Variants in RARB observed in about 807,000 individuals in gnomAD.
The protein encoded by RARB is HBV-activated protein.
Under a neutral mutation model 51.9 loss-of-function variants are expected in RARB, and 17 were observed. The ratio of observed to expected loss-of-function variants is 0.33; its 90% CI spans 0.22 to 0.49. RARB has a LOEUF of 0.49. RARB is among the 20% of genes least tolerant of loss of function. The pLI is 0.99. For missense variants in RARB, 369 were observed against 550.8 expected (o/e 0.67, Z 3.30); for synonymous variants, 215 against 195.4 (o/e 1.10, Z -0.84).
chr3:25,326,478 G>T (rs894064139), intron 5 of RARB, among the ~76,000 whole-genome samples: 1 of 152,086 alleles, frequency 6.6e-6, no homozygotes, highest in Non-Finnish European at 1.5e-5. Flanking sequence ...TTTAATACTT[G>T]GAAATGGCCC....
In RARB at chr3:25,428,392, G is replaced by C. The variant is rs1232105032; in HGVS notation, c.-340G>C. On this transcript the variant is annotated 5_prime_UTR_variant, in exon 1 of 8. Transcript: ENST00000330688. ...GCCGAGAACGCGAGCGATCCGAGCA[G>C]GGTTTGTCTGGGCACCGTCGGGGTA... 3.2e-6 allele frequency: 4 copies of C among 1,261,846 alleles called. No individual in the cohort carries two copies. The highest frequency in any genetic ancestry group is 4.0e-6 in the Non-Finnish European group (4 of 1,005,700). 78.2% of individuals were successfully genotyped at this position (1,261,846 alleles called of 1,614,324 possible).
intron 5 of RARB, among the ~76,000 whole-genome samples, chr3:25,593,065 T>C (rs192359928): frequency 1.3e-5 from 2 of 152,306 alleles, no homozygotes; most frequent in East Asian, 1.9e-4. Flanking sequence ...GTTTGAAAGA[T>C]TGAATGTAGG....
chr3:25,524,687 C>T (rs963198045), intron 3 of RARB, among the ~76,000 whole-genome samples: 1 of 144,522 alleles, frequency 6.9e-6, no homozygotes, highest in Non-Finnish European at 1.5e-5. Flanking sequence ...CTATCCTCTT[C>T]TTTCTGTCCC....
At chr3:24,980,587 G>T (rs959803394) in intron 2 of RARB, among the ~76,000 whole-genome samples, 1 of 152,078 alleles carries the variant, frequency 6.6e-6, no homozygotes, top group African/African-American at 2.4e-5. Flanking sequence ...GCTTCACACA[G>T]TTCTCATACT....
At chr3:25,375,576 A>G (rs1229789089) in intron 5 of RARB, among the ~76,000 whole-genome samples, 3 of 152,156 alleles carry the variant, frequency 2.0e-5, no homozygotes, top group African/African-American at 4.8e-5. Context: ...ATGGGACTGT[A>G]TGGGGCTAAT....
intron 3 of RARB, among the ~76,000 whole-genome samples, chr3:25,082,233 T>C (rs939458445): frequency 1.3e-5 from 2 of 152,256 alleles, no homozygotes; most frequent in Middle Eastern, 3.4e-3. Context: ...TTATTCCTTT[T>C]AATTATTTAG....
At chr3:25,125,597 G>A (rs959929423) in intron 3 of RARB, among the ~76,000 whole-genome samples, 10 of 151,980 alleles carry the variant, frequency 6.6e-5, no homozygotes, top group Non-Finnish European at 1.2e-4. Flanking sequence ...AAAAACAAGG[G>A]GAAAGAAGAC....
chr3:25,373,436 C>T lies in RARB; in HGVS notation c.179-87757C>T, dbSNP rs114969518. Among the ~76,000 whole-genome samples the T allele has an allele frequency of 9.5e-3, 1,439 of 152,198 alleles. 10 individuals carry two copies. The highest frequency in any genetic ancestry group is 0.021 in the Middle Eastern group (6 of 292). On this transcript the variant is annotated intron_variant, in intron 5 of 11. Transcript: ENST00000383772. The stretch of plus-strand genomic sequence containing the variant: ...AGTGAGGAACATGAGAATGCACGTG[C>T]AGACCCTTAGACTTCTGAGACACTG...
chr3:24,945,765 G>A (rs559860279), intron 2 of RARB, among the ~76,000 whole-genome samples: 30 of 152,276 alleles, frequency 2.0e-4, no homozygotes, highest in African/African-American at 6.3e-4. Flanking sequence ...TGTTCTCCTT[G>A]ACACCTTATG....
At chr3:25,021,934 T>A (rs1697647596) in intron 2 of RARB, among the ~76,000 whole-genome samples, 1 of 152,086 alleles carries the variant, frequency 6.6e-6, no homozygotes, top group African/African-American at 2.4e-5. Context: ...TGATAAATAC[T>A]GAGTTAGGCA....
At chr3:25,591,769 T>G (rs1483559940) in intron 5 of RARB, among the ~76,000 whole-genome samples, 1 of 152,196 alleles carries the variant, frequency 6.6e-6, no homozygotes. Context: ...AGTCAGACTT[T>G]TAAAAATATA....
At chr3:24,838,927 G>GTT (rs71295101) in intron 1 of RARB, among the ~76,000 whole-genome samples, 22,535 of 146,122 alleles carry the variant, frequency 0.15, 1,813 homozygotes, top group African/African-American at 0.21. Flanking sequence ...AAATCTCCAG[G>GTT]TTTTTTTTTT....
chr3:24,881,188 T>C (rs1703152340), intron 2 of RARB, among the ~76,000 whole-genome samples: 1 of 152,244 alleles, frequency 6.6e-6, no homozygotes, highest in Non-Finnish European at 1.5e-5. Context: ...CCTTCTGCCA[T>C]GATTACAAGT....
intron 1 of RARB, among the ~76,000 whole-genome samples, chr3:25,441,880 G>A (rs1048273407): frequency 6.6e-6 from 1 of 151,980 alleles, no homozygotes; most frequent in East Asian, 1.9e-4. Flanking sequence ...TATAGTACTT[G>A]GTCTATGATC....
At chr3:25,153,499 G>C (rs1412726151) in intron 4 of RARB, among the ~76,000 whole-genome samples, 1 of 152,142 alleles carries the variant, frequency 6.6e-6, no homozygotes, top group Non-Finnish European at 1.5e-5. Context: ...ATCAGATACT[G>C]ACAATTCAAT....
intron 5 of RARB, among the ~76,000 whole-genome samples, chr3:25,220,667 C>T (rs138570590): frequency 6.6e-6 from 1 of 152,172 alleles, no homozygotes; most frequent in Admixed American, 6.5e-5. Flanking sequence ...GAAGAAGATG[C>T]CTGCCTCCCC....
At chr3:24,945,322 C>G (rs1195314436) in intron 2 of RARB, among the ~76,000 whole-genome samples, 1 of 152,188 alleles carries the variant, frequency 6.6e-6, no homozygotes, top group East Asian at 1.9e-4. Flanking sequence ...CACCCTTTGC[C>G]TACATCTGTC....
At chr3:25,535,145 G>A (rs1183846568) in intron 3 of RARB, among the ~76,000 whole-genome samples, 1 of 152,236 alleles carries the variant, frequency 6.6e-6, no homozygotes, top group African/African-American at 2.4e-5. Flanking sequence ...GGCAAGCTGA[G>A]TGTTCTGTTG....
intron 2 of RARB, among the ~76,000 whole-genome samples, chr3:25,473,253 A>C (rs1277893147): frequency 6.6e-6 from 1 of 152,020 alleles, no homozygotes; most frequent in South Asian, 2.1e-4. Flanking sequence ...TCATATGGAT[A>C]AGCAACACCA....
Sources: gnomAD v4.1 joint callset for allele counts (sites outside exome capture counted in the v4.1 genomes callset) on GRCh38, gnomAD v4.1.1 for gene constraint, MANE v1.5 for transcripts, NCBI Gene and HGNC (gene_info 2026-07-23, HGNC 2026-07-21) for gene names.